Variants in ANKRD36C observed in about 807,000 individuals in gnomAD.
The protein encoded by ANKRD36C is ankyrin repeat domain 36C, also known as ankyrin repeat domain-containing protein 36C.
A neutral mutation model predicts 276.4 loss-of-function variants in ANKRD36C; 61 were observed. That is an observed-to-expected ratio of 0.22 (90% CI 0.18 to 0.27). The LOEUF is 0.27. Among genes scored for constraint, ANKRD36C ranks in the 10% least tolerant of loss-of-function variants. ANKRD36C has a pLI of 1.00. For missense variants in ANKRD36C, 1,447 were observed against 2,032.3 expected (o/e 0.71, Z 5.54); for synonymous variants, 483 against 680.1 (o/e 0.71, Z 4.51).
chr2:95,913,623 C>A (rs1172440669), intron 40 of ANKRD36C, among the ~76,000 whole-genome samples: 2 of 151,410 alleles, frequency 1.3e-5, no homozygotes, highest in Admixed American at 6.6e-5. Context: ...ATATAAATGA[C>A]TTCCTCTTTT....
At chr2:95,985,347 A>AT (rs1400334968) in intron 3 of ANKRD36C, among the ~76,000 whole-genome samples, 3 of 152,244 alleles carry the variant, frequency 2.0e-5, no homozygotes, top group East Asian at 3.9e-4. Context: ...TCTTCTAGAG[A>AT]TTTTTTGTGT....
chr2:95,872,798 G>A lies in ANKRD36C; in HGVS notation c.3540+3641C>T, dbSNP rs1427072277. On this transcript the variant is annotated intron_variant, in intron 59 of 66. Coordinates refer to ENST00000456556, the Ensembl canonical transcript of ANKRD36C. ...GACTAAAAAAGAAGAAAAGAGAGAA[G>A]AATCAAATAGATGCAATACAAAATG... is the stretch of plus-strand genomic sequence containing the variant. Among the ~76,000 whole-genome samples, 3 of 151,962 alleles carry A rather than the reference G, an allele frequency of 2.0e-5. No individual in the cohort carries two copies. The East Asian group carries it at 5.8e-4, about 29-fold the overall frequency.
chr2:95,914,973 A>G (rs1427379307), intron 38 of ANKRD36C, among the ~76,000 whole-genome samples: 1 of 151,528 alleles, frequency 6.6e-6, no homozygotes, highest in Non-Finnish European at 1.5e-5. Context: ...GCACCAAAGG[A>G]TAATATATTA....
intron 54 of ANKRD36C, among the ~76,000 whole-genome samples, chr2:95,882,900 C>G (rs1676116276): frequency 6.6e-6 from 1 of 152,114 alleles, no homozygotes; most frequent in Non-Finnish European, 1.5e-5. Context: ...AGGATTTATA[C>G]CATTGTACTG....
In ANKRD36C at chr2:95,958,479, C is replaced by G. The variant is rs967427568; in HGVS notation, c.1105+112G>C. 32 of 1,372,010 alleles carry G rather than the reference C, an allele frequency of 2.3e-5. No homozygotes were observed. In the Admixed American group the frequency reaches 7.5e-4, roughly 32 times the overall value. The allele number at this position is 1,372,010 out of a possible 1,614,324, so 85.0% of individuals were successfully genotyped here. A position where few individuals can be genotyped will look rare whatever the true frequency, so the allele number is the denominator to read the frequency against. Reference sequence around the variant, plus strand: ...TTATTACAAATGCAGAATCTCAGGCCCGCTGAATCAGAATGCGCAGCTTCA... The same window carrying G: ...TTATTACAAATGCAGAATCTCAGGCGCGCTGAATCAGAATGCGCAGCTTCA... On this transcript the variant is annotated intron_variant, in intron 12 of 66. Transcript: ENST00000456556.
At chr2:95,925,457 A>T (rs189328665) in intron 29 of ANKRD36C, 33 bp from the exon 30 acceptor site, 1 of 1,547,730 alleles carries the variant, frequency 6.5e-7, no homozygotes, top group South Asian at 1.2e-5. Flanking sequence ...TAGTCAATAC[A>T]TAATATATAT....
At chr2:95,991,043 A>G (rs930749442) in intron 1 of ANKRD36C, among the ~76,000 whole-genome samples, 12 of 151,678 alleles carry the variant, frequency 7.9e-5, no homozygotes, top group Non-Finnish European at 1.6e-4. Flanking sequence ...GCCCCTGCCA[A>G]GGTTTCCACA....
chr2:95,896,300 C>A (rs1676548571), intron 44 of ANKRD36C, among the ~76,000 whole-genome samples: 1 of 149,654 alleles, frequency 6.7e-6, no homozygotes, highest in Non-Finnish European at 1.5e-5. Context: ...CAATTGTCAA[C>A]TTTGACATAC....
At chr2:95,879,290 C>T (rs1470210482) in intron 58 of ANKRD36C, among the ~76,000 whole-genome samples, 1 of 152,086 alleles carries the variant, frequency 6.6e-6, no homozygotes, top group Non-Finnish European at 1.5e-5. Flanking sequence ...ATCACCATTA[C>T]CACAGTCTAG....
intron 12 of ANKRD36C, among the ~76,000 whole-genome samples, chr2:95,957,672 G>T (rs1169451992): frequency 6.6e-6 from 1 of 152,176 alleles, no homozygotes; most frequent in African/African-American, 2.4e-5. Flanking sequence ...GAATAAGGTT[G>T]TCCATTTGGA....
chr2:95,980,104 T>G (rs377415459), intron 5 of ANKRD36C, among the ~76,000 whole-genome samples: 5 of 152,026 alleles, frequency 3.3e-5, no homozygotes, highest in Admixed American at 2.6e-4. Context: ...TACTTTCAAT[T>G]GTAAGAAAGC....
intron 59 of ANKRD36C, among the ~76,000 whole-genome samples, chr2:95,873,266 C>T (rs1057112229): frequency 1.4e-4 from 22 of 152,106 alleles, no homozygotes; most frequent in Non-Finnish European, 2.4e-4. Context: ...CAAAAATCCT[C>T]GATAAAATAT....
chr2:95,891,611 G>A (rs1250448392), intron 46 of ANKRD36C, 54 bp downstream of exon 66: 2 of 1,523,764 alleles, frequency 1.3e-6, no homozygotes, highest in Admixed American at 4.0e-5. Flanking sequence ...TCAGGGAAGA[G>A]AATTTCTTAT....
chr2:95,910,361 T>A lies in ANKRD36C; in HGVS notation c.2653+1883A>T. ...GGACAGAACACGACATTAAATCTGT[T>A]TTCAAAATTACCTGTCCTAGATTTT... On this transcript the variant is annotated intron_variant, in intron 42 of 66. Transcript: ENST00000456556. 6.5e-7 allele frequency: 1 copy of A among 1,533,452 alleles called. No homozygotes were observed. The highest frequency in any genetic ancestry group is 8.8e-7 in the Non-Finnish European group (1 of 1,140,350). 95.0% of individuals were successfully genotyped at this position (1,533,452 alleles called of 1,614,324 possible). A position where few individuals can be genotyped will look rare whatever the true frequency, so the allele number is the denominator to read the frequency against.
chr2:95,986,403 CAA>C (rs889584824), intron 3 of ANKRD36C, among the ~76,000 whole-genome samples: 20 of 151,990 alleles, frequency 1.3e-4, no homozygotes, highest in Admixed American at 2.6e-4. Context: ...TTATAAGGGC[CAA>C]TTTTACTTTC....
At chr2:95,885,983 A>G (rs1448582718) in intron 52 of ANKRD36C, 65 bp downstream of exon 72, 1 of 1,564,858 alleles carries the variant, frequency 6.4e-7, no homozygotes, top group Non-Finnish European at 8.7e-7. Context: ...CCGCTGATTT[A>G]TTTGGGGAAG....
intron 16 of ANKRD36C, among the ~76,000 whole-genome samples, chr2:95,949,144 C>T (rs1678131603): frequency 6.6e-6 from 1 of 152,172 alleles, no homozygotes; most frequent in Admixed American, 6.5e-5. Context: ...CACCCTAGAA[C>T]ACTACAGGGA....
rs530781708 is a variant in ANKRD36C at position 95,894,211 on chromosome 2, A to G, written c.2756-2351T>C. 10 of 196,920 alleles carry G rather than the reference A, an allele frequency of 5.1e-5. No homozygotes were observed. The East Asian group carries it at 1.1e-3, about 22-fold the overall frequency. 12.2% of individuals were successfully genotyped at this position (196,920 alleles called of 1,614,324 possible). A position where few individuals can be genotyped will look rare whatever the true frequency, so the allele number is the denominator to read the frequency against. ...TTGCAATGATACTTCAGTTAAACTT[A>G]CACTTCACATCTCTTCAGTGGAAGA... On this transcript the variant is annotated intron_variant, in intron 44 of 66. Transcript: ENST00000456556.
At chr2:95,894,139 A>T (rs1346116689) in intron 44 of ANKRD36C, 12 of 238,866 alleles carry the variant, frequency 5.0e-5, no homozygotes, top group Non-Finnish European at 9.0e-5. Flanking sequence ...TATACTAAAA[A>T]CATTCATCAT....
Sources: allele counts gnomAD v4.1 joint callset (sites outside exome capture counted in the v4.1 genomes callset), GRCh38; gene constraint gnomAD v4.1.1; transcripts MANE v1.5; gene names NCBI Gene and HGNC (gene_info 2026-07-23, HGNC 2026-07-21).